Variants in PGM5 observed in about 807,000 individuals in gnomAD.
PGM5 encodes the protein phosphoglucomutase-like protein 5.
PGM5 carries 23 observed loss-of-function variants against 59.2 expected under a neutral mutation model. The observed-to-expected ratio is 0.39, with a 90% CI of 0.28 to 0.55. The LOEUF is 0.55. Among genes scored for constraint, PGM5 ranks in the 20% least tolerant of loss-of-function variants. The pLI is 0.66. For missense variants in PGM5, 574 were observed against 748.3 expected (o/e 0.77, Z 2.72); for synonymous variants, 214 against 286.0 (o/e 0.75, Z 2.54).
intron 2 of PGM5, 124 bp from the exon 3 acceptor site, chr9:68,384,274 C>G (rs1822157352): frequency 8.8e-6 from 6 of 678,582 alleles, no homozygotes; most frequent in Non-Finnish European, 1.6e-5. Flanking sequence ...GAACTGTGAA[C>G]CATTGATCAT....
chr9:68,487,450 T>TACACAA (rs1554687614), intron 9 of PGM5, among the ~76,000 whole-genome samples: 11 of 134,382 alleles, frequency 8.2e-5, no homozygotes, highest in Middle Eastern at 3.8e-3. Context: ...TCTCTCTCTG[T>TACACAA]GTCACACGCA....
intron 6 of PGM5, among the ~76,000 whole-genome samples, chr9:68,444,930 T>C (rs1396727540): frequency 6.6e-6 from 1 of 152,178 alleles, no homozygotes; most frequent in Non-Finnish European, 1.5e-5. Context: ...CCCACAGGGA[T>C]TGGCCTTCAG....
At chr9:68,369,497 G>C (rs1421239021) in intron 1 of PGM5, among the ~76,000 whole-genome samples, 1 of 152,136 alleles carries the variant, frequency 6.6e-6, no homozygotes. Flanking sequence ...ATACCTTAAA[G>C]ATTTCAGAGC....
At chr9:68,411,636 CCTT>C (rs1822935822) in intron 6 of PGM5, among the ~76,000 whole-genome samples, 1 of 151,932 alleles carries the variant, frequency 6.6e-6, no homozygotes, top group African/African-American at 2.4e-5. Context: ...TTATTGAAAA[CCTT>C]CTCTGGGTCA....
At chr9:68,448,138 A>AT (rs1382307411) in intron 6 of PGM5, among the ~76,000 whole-genome samples, 1 of 152,186 alleles carries the variant, frequency 6.6e-6, no homozygotes, top group African/African-American at 2.4e-5. Flanking sequence ...GTAGCTTCTA[A>AT]TCCTAGACTC....
chr9:68,368,458 C>T (rs1440703372), intron 1 of PGM5, among the ~76,000 whole-genome samples: 1 of 151,654 alleles, frequency 6.6e-6, no homozygotes, highest in Non-Finnish European at 1.5e-5. Flanking sequence ...TGGGGACAAT[C>T]AAAGAAGATG....
intron 9 of PGM5, among the ~76,000 whole-genome samples, chr9:68,487,463 TACACAC>T (rs67566624): frequency 1.4e-3 from 199 of 141,860 alleles, no homozygotes; most frequent in African/African-American, 2.4e-3. Context: ...CACACGCACA[TACACAC>T]ACACACACAC....
In PGM5 at chr9:68,459,621, TC is replaced by T. The variant is rs376909079; in HGVS notation, c.1044-5469del. ...ACACCACAGTTGGTACTAATTTGCA[TC>T]CCTTCAACAGTACATTAGGGCTCCA... is the stretch of plus-strand genomic sequence containing the variant. On this transcript the variant is annotated intron_variant, in intron 6 of 10. Coordinates refer to ENST00000396396, the MANE Select transcript of PGM5 (RefSeq NM_021965.4). Among the ~76,000 whole-genome samples the T allele has an allele frequency of 3.1e-4, 47 of 152,296 alleles. 1 individual carries two copies. In the South Asian group the frequency reaches 7.9e-3, roughly 25 times the overall value.
chr9:68,519,765 G>A (rs930294850), intron 10 of PGM5, among the ~76,000 whole-genome samples: 3 of 151,686 alleles, frequency 2.0e-5, no homozygotes, highest in African/African-American at 7.3e-5. Flanking sequence ...TGAACTAACT[G>A]CTGTAGGAAA....
chr9:68,498,180 T>G (rs1170203837), intron 9 of PGM5: 1 of 152,208 alleles, frequency 6.6e-6, no homozygotes, highest in African/African-American at 2.4e-5. Context: ...AAAAGCTACA[T>G]GCCTCCCCCA....
At chr9:68,514,770 C>G (rs1554689610) in intron 10 of PGM5, among the ~76,000 whole-genome samples, 1 of 152,168 alleles carries the variant, frequency 6.6e-6, no homozygotes, top group African/African-American at 2.4e-5. Context: ...AAATAGGATG[C>G]ATTTATAGGG....
chr9:68,431,415 G>A (rs1222915173), intron 6 of PGM5, among the ~76,000 whole-genome samples: 1 of 152,222 alleles, frequency 6.6e-6, no homozygotes, highest in Non-Finnish European at 1.5e-5. Flanking sequence ...CTGGGAAGTG[G>A]AGGCCTTGAG....
chr9:68,497,606 C>A (rs1587217314), intron 9 of PGM5: 1 of 152,184 alleles, frequency 6.6e-6, no homozygotes, highest in South Asian at 2.1e-4. Context: ...GTCACATATG[C>A]AGCAGGTATA....
intron 3 of PGM5, among the ~76,000 whole-genome samples, chr9:68,386,493 G>A (rs1822221854): frequency 6.6e-6 from 1 of 152,200 alleles, no homozygotes; most frequent in Non-Finnish European, 1.5e-5. Context: ...GGCATATTAA[G>A]ATCTCATCCA....
chr9:68,390,464 C>T (rs566414611), intron 4 of PGM5, among the ~76,000 whole-genome samples: 2 of 152,206 alleles, frequency 1.3e-5, no homozygotes, highest in Non-Finnish European at 2.9e-5. Context: ...ATACCCAGAC[C>T]CCATGAACTG....
intron 6 of PGM5, among the ~76,000 whole-genome samples, chr9:68,460,119 T>C (rs1410853183): frequency 1.3e-5 from 2 of 152,282 alleles, no homozygotes; most frequent in East Asian, 3.9e-4. Flanking sequence ...TTTCTTGAAG[T>C]AGGATTCCAA....
chr9:68,444,011 C>T, intron 6 of PGM5, among the ~76,000 whole-genome samples: 1 of 150,372 alleles, frequency 6.7e-6, no homozygotes, highest in Non-Finnish European at 1.5e-5. Context: ...GGCACTGGAT[C>T]TTGAGGAGAT....
intron 6 of PGM5, among the ~76,000 whole-genome samples, chr9:68,415,841 T>G (rs1301476537): frequency 1.5e-5 from 2 of 134,988 alleles, no homozygotes; most frequent in Non-Finnish European, 3.3e-5. Flanking sequence ...CTACACACAC[T>G]AATGGTATTT....
intron 10 of PGM5, among the ~76,000 whole-genome samples, chr9:68,506,689 A>G (rs1319093481): frequency 6.6e-6 from 1 of 152,206 alleles, no homozygotes; most frequent in African/African-American, 2.4e-5. Context: ...TAAAGTAGAA[A>G]TGGATATAAT....
Sources: allele counts gnomAD v4.1 joint callset (sites outside exome capture counted in the v4.1 genomes callset), GRCh38; gene constraint gnomAD v4.1.1; transcripts MANE v1.5; gene names NCBI Gene and HGNC (gene_info 2026-07-23, HGNC 2026-07-21).